SPATA17: variants seen among roughly 807,000 people sequenced by gnomAD.
The protein encoded by SPATA17 is spermatogenesis associated 17.
Under a neutral mutation model 62.2 loss-of-function variants are expected in SPATA17, and 53 were observed. The ratio of observed to expected loss-of-function variants is 0.85; its 90% CI spans 0.68 to 1.07. SPATA17 has a LOEUF of 1.07. Among genes scored for constraint, SPATA17 ranks in the 50% least tolerant of loss-of-function variants. SPATA17 has a pLI of 0.00. For synonymous variants in SPATA17, 146 were observed against 146.8 expected, an observed-to-expected ratio of 0.99 and a Z score of 0.04; for missense variants, 466 against 425.5, an observed-to-expected ratio of 1.10 and a Z score of -0.84.
intron 1 of SPATA17, among the ~76,000 whole-genome samples, chr1:217,633,197 CAAATAAAT>C (rs139113077): frequency 1.8e-3 from 269 of 145,754 alleles, no homozygotes; most frequent in African/African-American, 4.3e-3. Context: ...GACTCTGTCT[CAAATAAAT>C]AAATAAATAA....
intron 1 of SPATA17, among the ~76,000 whole-genome samples, chr1:217,633,934 CAA>C (rs1669879383): frequency 1.3e-5 from 2 of 152,140 alleles, no homozygotes; most frequent in Admixed American, 1.3e-4. Flanking sequence ...CTCTGCCTAA[CAA>C]AGAGGAAGGA....
At chr1:217,643,984 C>T (rs1026696979) in intron 1 of SPATA17, among the ~76,000 whole-genome samples, 2 of 151,948 alleles carry the variant, frequency 1.3e-5, no homozygotes, top group African/African-American at 4.8e-5. Flanking sequence ...CACCTCGGCC[C>T]CCAAAGTTCT....
intron 9 of SPATA17, among the ~76,000 whole-genome samples, chr1:217,844,487 C>T (rs1675481287): frequency 6.6e-6 from 1 of 152,060 alleles, no homozygotes; most frequent in African/African-American, 2.4e-5. Context: ...AAATGAGTGT[C>T]CTTCTTTCCT....
rs75323465 is a variant in SPATA17, at chr1:217,655,579, A to C, written c.240+4401A>C. ...TTACCAGAATCAATTATTACTATAG[A>C]TCTTCAACAGTGATTTTCTAATTCC... On this transcript the variant is annotated intron_variant, in intron 3 of 10. Coordinates refer to ENST00000366933, the MANE Select transcript of SPATA17 (RefSeq NM_138796.4). Among the ~76,000 whole-genome samples, 214 of 152,274 alleles carry C rather than the reference A, an allele frequency of 1.4e-3. 5 individuals carry two copies. In the East Asian group the frequency reaches 0.036, roughly 26 times the overall value.
chr1:217,664,996 C>T lies in SPATA17; in HGVS notation c.241-4037C>T, dbSNP rs376269848. The stretch of plus-strand genomic sequence containing the variant: ...GAATATGAAAGGGAGAAGAAAAAAA[C>T]GTGCAGTAATTTGATCAGATTGAGG... On this transcript the variant is annotated intron_variant, in intron 3 of 10. Transcript: ENST00000366933. Among the ~76,000 whole-genome samples, 80 of 151,910 alleles carry T rather than the reference C, an allele frequency of 5.3e-4. 1 individual carries two copies. The highest frequency in any genetic ancestry group is 1.7e-3 in the African/African-American group (71 of 41,446).
intron 4 of SPATA17, among the ~76,000 whole-genome samples, chr1:217,682,104 AAGTT>A (rs1364196581): frequency 6.6e-6 from 1 of 152,180 alleles, no homozygotes; most frequent in Non-Finnish European, 1.5e-5. Context: ...ACGCAAGACT[AAGTT>A]AGTATTTTTC....
intron 9 of SPATA17, among the ~76,000 whole-genome samples, chr1:217,829,210 AATAG>A (rs1256878685): frequency 3.9e-5 from 6 of 152,190 alleles, no homozygotes; most frequent in African/African-American, 1.4e-4. Flanking sequence ...TCAAAGGATG[AATAG>A]ATAAAGAAAA....
chr1:217,682,147 C>T (rs1350661762), intron 4 of SPATA17, among the ~76,000 whole-genome samples: 1 of 151,966 alleles, frequency 6.6e-6, no homozygotes, highest in Non-Finnish European at 1.5e-5. Context: ...TTCCTCCAAT[C>T]CTTTAAATAA....
Position 217,774,379 on chromosome 1 carries a change from T to C in SPATA17, c.565T>C (p.Trp189Arg). 2 of 1,614,084 alleles carry C rather than the reference T, an allele frequency of 1.2e-6. No individual in the cohort carries two copies. Among genetic ancestry groups the C allele is most frequent in the Non-Finnish European group, 1.7e-6 (2 of 1,179,946 alleles). Residue 189 changes from tryptophan to arginine, a missense_variant, in exon 7 of 11, where the codon TGG (tryptophan) becomes CGG (arginine). Physicochemically the swap from Trp to Arg is moderately radical, Grantham distance 101 (BLOSUM62 -3). Transcript: ENST00000366933. Reference sequence around the variant, plus strand: ...ACCCTTCAGAAAAGAGCCTGATCCATGGGAGCTGCAATTACAGAAGGCAAA... The same window carrying C: ...ACCCTTCAGAAAAGAGCCTGATCCACGGGAGCTGCAATTACAGAAGGCAAA... ...NSPFRKEPDP[W>R]ELQLQKAKPL...
At chr1:217,856,537 A>G (rs1305307541) in intron 9 of SPATA17, among the ~76,000 whole-genome samples, 1 of 152,214 alleles carries the variant, frequency 6.6e-6, no homozygotes, top group Non-Finnish European at 1.5e-5. Context: ...CACAATATGC[A>G]AAGGAACTTC....
At chr1:217,647,772 G>A (rs905134779) in intron 1 of SPATA17, among the ~76,000 whole-genome samples, 6 of 151,708 alleles carry the variant, frequency 4.0e-5, no homozygotes, top group African/African-American at 1.5e-4. Flanking sequence ...CGCCCAGGCT[G>A]GAGTGCAATG....
At chr1:217,685,524 C>A (rs1411261534) in intron 5 of SPATA17, among the ~76,000 whole-genome samples, 1 of 152,030 alleles carries the variant, frequency 6.6e-6, no homozygotes, top group Admixed American at 6.6e-5. Context: ...GTTTCTTAAA[C>A]CAGGAATGGA....
chr1:217,713,414 C>G (rs1424598075), intron 5 of SPATA17, among the ~76,000 whole-genome samples: 1 of 148,290 alleles, frequency 6.7e-6, no homozygotes, highest in African/African-American at 2.5e-5. Flanking sequence ...GACTGATAGG[C>G]TTTGTTTGCT....
At chr1:217,825,180 C>A (rs1275344504) in intron 9 of SPATA17, among the ~76,000 whole-genome samples, 1 of 151,260 alleles carries the variant, frequency 6.6e-6, no homozygotes, top group African/African-American at 2.4e-5. Context: ...GCAAAGAAAT[C>A]ATTTAAAAAA....
At position 217,862,863 on chromosome 1, in the gene SPATA17, C is replaced by A; in HGVS notation, c.*2+7C>A. Reference sequence around the variant, plus strand: ...CTGGACAGATTGTATAAAGGTATGACTTTTTGCTAAGAAGTAATTCAAAAA... The same window carrying A: ...CTGGACAGATTGTATAAAGGTATGAATTTTTGCTAAGAAGTAATTCAAAAA... On this transcript the variant is annotated splice_region_variant and intron_variant, in intron 10 of 10. Transcript: ENST00000366933. 1 of 1,559,756 alleles carries A rather than the reference C, an allele frequency of 6.4e-7. No individual in the cohort carries two copies. Among genetic ancestry groups the A allele is most frequent in the Non-Finnish European group, 8.7e-7 (1 of 1,145,118 alleles).
At chr1:217,765,404 C>A (rs1389382634) in intron 6 of SPATA17, among the ~76,000 whole-genome samples, 3 of 151,600 alleles carry the variant, frequency 2.0e-5, no homozygotes, top group Non-Finnish European at 4.4e-5. Flanking sequence ...GCATTCAATG[C>A]AATAAATTTT....
chr1:217,713,363 A>T lies in SPATA17; in HGVS notation c.396-28612A>T, dbSNP rs980928295. On this transcript the variant is annotated intron_variant, in intron 5 of 10. Coordinates refer to ENST00000366933, the MANE Select transcript of SPATA17 (RefSeq NM_138796.4). ...TTTATACATGAGCATGAGAAATTTA[A>T]ATGATGGTTTGAATATATACATACA... Among the ~76,000 whole-genome samples, 3 of 152,144 alleles carry T rather than the reference A, an allele frequency of 2.0e-5. No homozygotes were observed. In the East Asian group the frequency reaches 5.8e-4, roughly 29 times the overall value.
chr1:217,740,409 CAT>C (rs1181855524), intron 5 of SPATA17, among the ~76,000 whole-genome samples: 3 of 151,834 alleles, frequency 2.0e-5, no homozygotes, highest in Non-Finnish European at 2.9e-5. Flanking sequence ...TTTAATGTAA[CAT>C]GTGATTGTTA....
intron 1 of SPATA17, among the ~76,000 whole-genome samples, chr1:217,632,496 TAAC>T (rs1007292162): frequency 4.8e-4 from 73 of 152,368 alleles, no homozygotes; most frequent in African/African-American, 1.7e-3. Context: ...GCTTTTATTC[TAAC>T]GTTTATCTCA....
Sources: gnomAD v4.1 joint callset for allele counts (sites outside exome capture counted in the v4.1 genomes callset) on GRCh38, gnomAD v4.1.1 for gene constraint, MANE v1.5 for transcripts, NCBI Gene and HGNC (gene_info 2026-07-23, HGNC 2026-07-21) for gene names.